Variants in MTCL2 observed in about 807,000 individuals in gnomAD.
The protein encoded by MTCL2 is microtubule cross-linking factor 2.
chr20:36,852,693 C>T, the MTCL2 span, among the ~76,000 whole-genome samples: 1 of 152,214 alleles, frequency 6.6e-6, no homozygotes. Context: ...CTGTCTCCCA[C>T]CCCAGAGCTC....
At chr20:36,823,298 G>A in the MTCL2 span, among the ~76,000 whole-genome samples, 1 of 152,116 alleles carries the variant, frequency 6.6e-6, no homozygotes, top group African/African-American at 2.4e-5. Flanking sequence ...TCCTTTCCCG[G>A]GCAACTGGCA....
the MTCL2 span, among the ~76,000 whole-genome samples, chr20:36,842,306 T>C: frequency 6.6e-6 from 1 of 152,072 alleles, no homozygotes; most frequent in Non-Finnish European, 1.5e-5. Context: ...AAAAAAGACA[T>C]ACGAATGTGC....
At chr20:36,849,200 T>TTTGTTTGA in the MTCL2 span, among the ~76,000 whole-genome samples, 1 of 151,604 alleles carries the variant, frequency 6.6e-6, no homozygotes, top group African/African-American at 2.4e-5. Flanking sequence ...TAGCTGGGAT[T>TTTGTTTGA]ACAGGCATGC....
the MTCL2 span, among the ~76,000 whole-genome samples, chr20:36,790,898 G>C: frequency 6.6e-6 from 1 of 151,998 alleles, no homozygotes; most frequent in African/African-American, 2.4e-5. Flanking sequence ...ATATTTAAAA[G>C]ATGTTTTTAA....
the MTCL2 span, among the ~76,000 whole-genome samples, chr20:36,835,454 G>A: frequency 1.3e-5 from 2 of 152,124 alleles, no homozygotes; most frequent in Non-Finnish European, 2.9e-5. Flanking sequence ...GGGAAAATGA[G>A]GCACCAAGCG....
the MTCL2 span, among the ~76,000 whole-genome samples, chr20:36,837,546 A>ATATTAT: frequency 2.2e-5 from 3 of 135,050 alleles, no homozygotes; most frequent in African/African-American, 5.8e-5. Flanking sequence ...CATTTTACCC[A>ATATTAT]CATTATTATT....
chr20:36,805,187 G>C, the MTCL2 span, among the ~76,000 whole-genome samples: 1 of 152,220 alleles, frequency 6.6e-6, no homozygotes, highest in African/African-American at 2.4e-5. Flanking sequence ...CTTCTTCAAG[G>C]CTCTGCAGCG....
the MTCL2 span, chr20:36,828,853 A>G: frequency 5.2e-6 from 3 of 571,802 alleles, no homozygotes; most frequent in Admixed American, 3.6e-5. Flanking sequence ...TCACCATTGT[A>G]ACCTTAGTGT....
the MTCL2 span, among the ~76,000 whole-genome samples, chr20:36,796,243 C>T: frequency 1.3e-5 from 2 of 152,218 alleles, no homozygotes; most frequent in Non-Finnish European, 2.9e-5. Flanking sequence ...CAAGAGGCAG[C>T]TCCTATCATC....
chr20:36,813,863 A>C, the MTCL2 span, among the ~76,000 whole-genome samples: 1 of 151,912 alleles, frequency 6.6e-6, no homozygotes, highest in Non-Finnish European at 1.5e-5. Context: ...TGAAGATCAA[A>C]CCTCCCGCAT....
the MTCL2 span, among the ~76,000 whole-genome samples, chr20:36,827,961 C>A: frequency 6.6e-6 from 1 of 152,214 alleles, no homozygotes; most frequent in South Asian, 2.1e-4. Context: ...CCTCTCCCTG[C>A]ACACTGAGAG....
chr20:36,806,912 C>T, the MTCL2 span, among the ~76,000 whole-genome samples: 1 of 152,136 alleles, frequency 6.6e-6, no homozygotes, highest in Non-Finnish European at 1.5e-5. Context: ...AAGGTTTTCA[C>T]CAAATGTGGA....
the MTCL2 span, among the ~76,000 whole-genome samples, chr20:36,819,610 C>CAA: frequency 4.0e-5 from 5 of 126,132 alleles, no homozygotes; most frequent in East Asian, 2.3e-4. Flanking sequence ...CAGAATTACT[C>CAA]AAAAAAAAAA....
At chr20:36,801,782 A>G in the MTCL2 span, among the ~76,000 whole-genome samples, 6 of 151,842 alleles carry the variant, frequency 4.0e-5, no homozygotes, top group Admixed American at 6.6e-5. Flanking sequence ...CCTGGCCAAC[A>G]TGGTGAACCC....
chr20:36,830,206 G>A, the MTCL2 span, among the ~76,000 whole-genome samples: 1 of 151,964 alleles, frequency 6.6e-6, no homozygotes, highest in South Asian at 2.1e-4. Context: ...CCTGTGGGAG[G>A]GCCAGAAGCT....
chr20:36,829,344 G>A, the MTCL2 span: 24 of 868,216 alleles, frequency 2.8e-5, no homozygotes, highest in South Asian at 3.7e-5. Flanking sequence ...TCACTGCCAC[G>A]CTGCAGATGA....
chr20:36,815,744 G>A, the MTCL2 span: 27 of 1,590,984 alleles, frequency 1.7e-5, no homozygotes, highest in African/African-American at 2.9e-4. This position sits in a 1 kb window ranked among gnomAD's most constrained non-coding sequence, Gnocchi z 5.3. Context: ...GTGAAGGTTC[G>A]CTGAGCACAG....
At chr20:36,826,294 T>G in the MTCL2 span, among the ~76,000 whole-genome samples, 1 of 75,446 alleles carries the variant, frequency 1.3e-5, no homozygotes, top group African/African-American at 5.7e-5. Flanking sequence ...TCTTTTCTGT[T>G]TCCCCCCTCC....
the MTCL2 span, among the ~76,000 whole-genome samples, chr20:36,791,558 C>CAT: frequency 6.6e-6 from 1 of 152,230 alleles, no homozygotes; most frequent in Admixed American, 6.5e-5. Context: ...TGCCCCACAG[C>CAT]AGACCACATG....
Sources: allele counts gnomAD v4.1 joint callset (sites outside exome capture counted in the v4.1 genomes callset), GRCh38; gene constraint gnomAD v4.1.1; non-coding constraint Gnocchi (gnomAD v3.1); transcripts MANE v1.5; gene names NCBI Gene and HGNC (gene_info 2026-07-23, HGNC 2026-07-21).